MROH7: variants seen among roughly 807,000 people sequenced by gnomAD.
MROH7 encodes maestro heat-like repeat-containing protein family member 7.
Under a neutral mutation model 129.2 loss-of-function variants are expected in MROH7, and 113 were observed. The observed-to-expected ratio is 0.87, with a 90% CI of 0.75 to 1.02. MROH7 has a LOEUF of 1.02. MROH7 is among the 50% of genes least tolerant of loss of function. The pLI is 0.00. For synonymous variants in MROH7, 655 were observed against 667.9 expected, an observed-to-expected ratio of 0.98 and a Z score of 0.30; for missense variants, 1,601 against 1,671.3, an observed-to-expected ratio of 0.96 and a Z score of 0.73.
chr1:54,698,711 G>A (rs2101199629), intron 17 of MROH7: 1 of 152,374 alleles, frequency 6.6e-6, no homozygotes, highest in Admixed American at 6.5e-5. Flanking sequence ...GTGCAGCTTG[G>A]ACGATGGGGG....
At chr1:54,672,793 A>G (rs1644921435) in intron 7 of MROH7, among the ~76,000 whole-genome samples, 1 of 152,134 alleles carries the variant, frequency 6.6e-6, no homozygotes, top group Non-Finnish European at 1.5e-5. Flanking sequence ...GTGGCAAATC[A>G]CCAGGTAGCC....
Position 54,654,116 on chromosome 1 carries a change from C to G in MROH7, c.1190C>G (p.Pro397Arg). 6.2e-7 allele frequency: 1 copy of G among 1,613,708 alleles called. No individual in the cohort carries two copies. The highest frequency in any genetic ancestry group is 8.5e-7 in the Non-Finnish European group (1 of 1,179,828). ...QFPLGFPISN[P>R]AGKDAVTLQG... ...CCGCTGGGATTCCCCATCTCCAACC[C>G]CGCAGGCAAGGACGCCGTGACCTTG... is the stretch of plus-strand genomic sequence containing the variant. The change falls in exon 3 of 24, where the codon CCC becomes CGC. Residue 397 changes from proline (P) to arginine (R), a missense_variant. Transcript: ENST00000421030.
At chr1:54,648,115 C>T (rs1644496915) in intron 1 of MROH7, among the ~76,000 whole-genome samples, 2 of 151,448 alleles carry the variant, frequency 1.3e-5, no homozygotes, top group Non-Finnish European at 2.9e-5. Flanking sequence ...AACTCCTGGG[C>T]TCAAGTGATC....
Position 54,710,090 on chromosome 1 carries a change from G to T in MROH7, c.3875G>T (p.Arg1292Leu). The change falls in exon 24 of 24, where the codon CGC (arginine) becomes CTC (leucine). Residue 1292 changes from arginine (R) to leucine (L), a missense_variant. Coordinates refer to ENST00000421030, the MANE Select transcript of MROH7 (RefSeq NM_001039464.4). ...SWVCYSATTHRWSPSCENLPT... is the reference protein window; with the variant it reads ...SWVCYSATTHLWSPSCENLPT... ...GTGTGTTACTCAGCCACCACCCACC[G>T]CTGGAGCCCCAGCTGTGAGAACCTG... 1 of 1,613,974 alleles carries T rather than the reference G, an allele frequency of 6.2e-7. No homozygotes were observed. Among genetic ancestry groups the T allele is most frequent in the Non-Finnish European group, 8.5e-7 (1 of 1,180,002 alleles).
At chr1:54,669,926 C>G (rs1012368945) in intron 5 of MROH7, among the ~76,000 whole-genome samples, 2 of 150,482 alleles carry the variant, frequency 1.3e-5, no homozygotes, top group African/African-American at 4.9e-5. Flanking sequence ...ATCGCTTGAG[C>G]TAGGGAGGCA....
chr1:54,673,045 C>T (rs1644925557), intron 7 of MROH7, 46 bp from the exon 8 acceptor site: 1 of 1,470,004 alleles, frequency 6.8e-7, no homozygotes, highest in African/African-American at 1.4e-5. Context: ...GGGCTGGTGT[C>T]CGCTCCAGAG....
intron 3 of MROH7, among the ~76,000 whole-genome samples, chr1:54,664,809 C>T (rs1185400211): frequency 6.6e-6 from 1 of 151,980 alleles, no homozygotes; most frequent in African/African-American, 2.4e-5. Flanking sequence ...GGCAGGAGTT[C>T]GAGACTAGCC....
intron 3 of MROH7, among the ~76,000 whole-genome samples, chr1:54,660,299 G>C (rs1311694513): frequency 6.6e-6 from 1 of 152,110 alleles, no homozygotes; most frequent in Non-Finnish European, 1.5e-5. Flanking sequence ...TTTTATAAAG[G>C]CCTTAATCCC....
At position 54,706,520 on chromosome 1, in the gene MROH7, G is replaced by A. The variant is rs1196873788; in HGVS notation, c.3650G>A (p.Cys1217Tyr). 1 of 1,612,890 alleles carries A rather than the reference G, an allele frequency of 6.2e-7. No homozygotes were observed. Among genetic ancestry groups the A allele is most frequent in the Non-Finnish European group, 8.5e-7 (1 of 1,179,588 alleles). ...AKNSRASLRK[C>Y]SVMFIGSLVP... is the part of the protein sequence containing the mutation. ...AACTCACGGGCCTCCCTCCGGAAGTGCTCAGTCATGTTCATAGGTAACCTG... is the reference window on the plus strand; with the variant it reads ...AACTCACGGGCCTCCCTCCGGAAGTACTCAGTCATGTTCATAGGTAACCTG... The change falls in exon 22 of 24, where the codon TGC (cysteine) becomes TAC (tyrosine). Residue 1217 changes from cysteine to tyrosine, a missense_variant. By Grantham distance (194) the Cys-to-Tyr change is radical (BLOSUM62 -2). Transcript: ENST00000421030.
chr1:54,694,108 C>G (rs1311087627), intron 16 of MROH7, among the ~76,000 whole-genome samples: 5 of 152,190 alleles, frequency 3.3e-5, no homozygotes, highest in African/African-American at 1.2e-4. Context: ...TCTCAAACTC[C>G]TGAAATCAGG....
chr1:54,664,606 C>T (rs1040161932), intron 3 of MROH7, among the ~76,000 whole-genome samples: 2 of 152,222 alleles, frequency 1.3e-5, no homozygotes, highest in Admixed American at 6.5e-5. Flanking sequence ...AGGGCACAGC[C>T]GACCAGGCAG....
intron 10 of MROH7, among the ~76,000 whole-genome samples, chr1:54,674,998 CAG>C (rs1356573976): frequency 6.6e-6 from 1 of 151,206 alleles, no homozygotes; most frequent in Non-Finnish European, 1.5e-5. Context: ...TTTTTTTTGA[CAG>C]AGTCTGGCTT....
intron 3 of MROH7, among the ~76,000 whole-genome samples, chr1:54,655,599 T>G (rs1644631626): frequency 6.6e-6 from 1 of 152,040 alleles, no homozygotes; most frequent in East Asian, 1.9e-4. Flanking sequence ...AGGCTGGTCT[T>G]GAACTCCTGG....
chr1:54,692,689 T>G, intron 16 of MROH7, 128 bp downstream of exon 16: 1 of 929,358 alleles, frequency 1.1e-6, no homozygotes, highest in Non-Finnish European at 1.6e-6. Context: ...ACCTCTTCTC[T>G]ACAACTGGGA....
In MROH7 at chr1:54,703,685, C is replaced by G. The variant is rs1054708324; in HGVS notation, c.3564+940C>G. Among the ~76,000 whole-genome samples the G allele has an allele frequency of 6.6e-6, 1 of 152,128 alleles. No individual in the cohort carries two copies. The highest frequency in any genetic ancestry group is 1.5e-5 in the Non-Finnish European group (1 of 68,026). On this transcript the variant is annotated intron_variant, in intron 21 of 23. Transcript: ENST00000421030. The surrounding 1 kb of genome is among the most constrained non-coding windows in gnomAD (Gnocchi z 4.4). ...ACAAGCACAACTCTGCAGGATACAG[C>G]CTAGTCCTCCATATGTCATTTGGGA...
At chr1:54,693,586 A>G (rs1294739023) in intron 16 of MROH7, among the ~76,000 whole-genome samples, 1 of 152,174 alleles carries the variant, frequency 6.6e-6, no homozygotes, top group Non-Finnish European at 1.5e-5. Context: ...GAAGTCACAC[A>G]GGCAGGACAT....
intron 10 of MROH7, 64 bp from the exon 11 acceptor site, chr1:54,678,678 C>G: frequency 8.9e-7 from 1 of 1,129,620 alleles, no homozygotes; most frequent in East Asian, 2.4e-5. Flanking sequence ...GTAGGGACTT[C>G]CTACATGTAT....
At position 54,653,338 on chromosome 1, in the gene MROH7, C is replaced by T. The variant is rs370379031; in HGVS notation, c.412C>T (p.Arg138Cys). Residue 138 changes from arginine to cysteine, a missense_variant, in exon 3 of 24, where the codon CGT (arginine) becomes TGT (cysteine). By Grantham distance (180) the Arg-to-Cys change is radical. Transcript: ENST00000421030. Reference sequence around the variant, plus strand: ...GAGCCCTAGCTCTACTGAGGCCCCTCGTCTGAGCTCTGGGAACCACCCTCA... The same window carrying T: ...GAGCCCTAGCTCTACTGAGGCCCCTTGTCTGAGCTCTGGGAACCACCCTCA... ...ILSPSSTEAP[R>C]LSSGNHPQSN... 1.2e-6 allele frequency: 2 copies of T among 1,614,192 alleles called. No homozygotes were observed. Among genetic ancestry groups the T allele is most frequent in the Non-Finnish European group, 1.7e-6 (2 of 1,180,038 alleles).
At chr1:54,706,888 A>G (rs1351365474) in intron 22 of MROH7, among the ~76,000 whole-genome samples, 1 of 152,306 alleles carries the variant, frequency 6.6e-6, no homozygotes. Flanking sequence ...GCCAAGCAGC[A>G]TGGTGAAAAG....
Sources: allele counts gnomAD v4.1 joint callset (sites outside exome capture counted in the v4.1 genomes callset), GRCh38; gene constraint gnomAD v4.1.1; non-coding constraint Gnocchi (gnomAD v3.1); transcripts MANE v1.5; gene names NCBI Gene and HGNC (gene_info 2026-07-23, HGNC 2026-07-21).